The following ARB2A variants were observed in gnomAD, a reference collection of about 807,000 sequenced individuals.
The protein encoded by ARB2A is ARB2 cotranscriptional regulator A.
the ARB2A span, among the ~76,000 whole-genome samples, chr5:93,756,012 C>T: frequency 6.6e-6 from 1 of 152,182 alleles, no homozygotes; most frequent in African/African-American, 2.4e-5. Context: ...TCCGCCTGGA[C>T]ACAGACTCAG....
At chr5:94,070,743 C>T in the ARB2A span, among the ~76,000 whole-genome samples, 1 of 151,558 alleles carries the variant, frequency 6.6e-6, no homozygotes, top group Admixed American at 6.6e-5. Flanking sequence ...ACAATAAGAA[C>T]ACAAACAAAA....
chr5:94,105,515 A>G, the ARB2A span, among the ~76,000 whole-genome samples: 2 of 152,162 alleles, frequency 1.3e-5, no homozygotes, highest in African/African-American at 4.8e-5. Flanking sequence ...TTCCTTACTC[A>G]TGGATAGGAA....
the ARB2A span, among the ~76,000 whole-genome samples, chr5:93,624,244 G>A: frequency 6.6e-6 from 1 of 152,112 alleles, no homozygotes; most frequent in Non-Finnish European, 1.5e-5. Context: ...CAATGATGTA[G>A]AAATCACAGG....
the ARB2A span, among the ~76,000 whole-genome samples, chr5:93,833,215 C>G: frequency 6.6e-6 from 1 of 151,486 alleles, no homozygotes; most frequent in Non-Finnish European, 1.5e-5. Flanking sequence ...ACTATAAATA[C>G]AAGGCATGCT....
the ARB2A span, among the ~76,000 whole-genome samples, chr5:93,852,233 T>C: frequency 6.6e-6 from 1 of 152,212 alleles, no homozygotes; most frequent in Non-Finnish European, 1.5e-5. Flanking sequence ...CATGTGTTCT[T>C]TGGCTGCATG....
At chr5:93,618,575 A>G in the ARB2A span, 7 of 152,170 alleles carry the variant, frequency 4.6e-5, no homozygotes, top group Non-Finnish European at 1.0e-4. Context: ...CGAGGTGAAC[A>G]TTATTACATT....
At chr5:93,827,063 C>T in the ARB2A span, among the ~76,000 whole-genome samples, 1 of 152,010 alleles carries the variant, frequency 6.6e-6, no homozygotes, top group Non-Finnish European at 1.5e-5. Context: ...CATACAAGTG[C>T]ATGTGTCTTT....
the ARB2A span, among the ~76,000 whole-genome samples, chr5:93,976,914 G>A: frequency 1.3e-5 from 2 of 151,806 alleles, no homozygotes; most frequent in Non-Finnish European, 2.9e-5. Context: ...GAACTCTCAG[G>A]ACGGAAAATC....
At chr5:93,770,796 A>G in the ARB2A span, among the ~76,000 whole-genome samples, 1 of 152,206 alleles carries the variant, frequency 6.6e-6, no homozygotes, top group African/African-American at 2.4e-5. Context: ...GCTCAATGAA[A>G]TAAAAGAGGA....
the ARB2A span, among the ~76,000 whole-genome samples, chr5:93,958,452 T>C: frequency 6.6e-6 from 1 of 152,066 alleles, no homozygotes; most frequent in East Asian, 1.9e-4. Flanking sequence ...TGATAAATAT[T>C]TGATAGTTTG....
chr5:93,827,632 T>G, the ARB2A span, among the ~76,000 whole-genome samples: 3 of 151,980 alleles, frequency 2.0e-5, no homozygotes, highest in African/African-American at 2.4e-5. Context: ...TGGCTTTTGT[T>G]GCCATTGCTT....
the ARB2A span, among the ~76,000 whole-genome samples, chr5:94,014,858 G>C: frequency 6.7e-6 from 1 of 149,138 alleles, no homozygotes; most frequent in Non-Finnish European, 1.5e-5. Context: ...CAGGAGGGAA[G>C]AAAAATGAAA....
the ARB2A span, among the ~76,000 whole-genome samples, chr5:93,687,800 C>T: frequency 6.6e-6 from 1 of 151,840 alleles, no homozygotes; most frequent in Non-Finnish European, 1.5e-5. Context: ...TTTAGAATGG[C>T]CATTTTAAAA....
At chr5:93,676,379 A>G in the ARB2A span, among the ~76,000 whole-genome samples, 1 of 152,186 alleles carries the variant, frequency 6.6e-6, no homozygotes, top group Non-Finnish European at 1.5e-5. Flanking sequence ...TTGTTTACAA[A>G]CATATATTAG....
At chr5:93,909,735 G>A in the ARB2A span, among the ~76,000 whole-genome samples, 1 of 150,150 alleles carries the variant, frequency 6.7e-6, no homozygotes, top group African/African-American at 2.4e-5. Flanking sequence ...TTTTTTTGTT[G>A]AAAATATGAA....
At chr5:93,639,691 T>C in the ARB2A span, among the ~76,000 whole-genome samples, 1 of 152,134 alleles carries the variant, frequency 6.6e-6, no homozygotes, top group Non-Finnish European at 1.5e-5. Flanking sequence ...TGGGATAATA[T>C]AACAAAGTAT....
chr5:94,067,392 C>T, the ARB2A span, among the ~76,000 whole-genome samples: 1 of 152,050 alleles, frequency 6.6e-6, no homozygotes, highest in African/African-American at 2.4e-5. Context: ...GAAAAGAAGT[C>T]AAATTGTCCT....
chr5:93,745,328 C>T, the ARB2A span, among the ~76,000 whole-genome samples: 1 of 152,158 alleles, frequency 6.6e-6, no homozygotes, highest in Non-Finnish European at 1.5e-5. Flanking sequence ...CCTTAAACAG[C>T]TGGAGTTTTA....
At chr5:93,881,450 A>C in the ARB2A span, 7 of 1,562,518 alleles carry the variant, frequency 4.5e-6, no homozygotes, top group Non-Finnish European at 6.2e-6. Flanking sequence ...ATAGTAAAGG[A>C]AAGTAGTGAT....
Sources: gnomAD v4.1 joint callset for allele counts (sites outside exome capture counted in the v4.1 genomes callset) on GRCh38, gnomAD v4.1.1 for gene constraint, MANE v1.5 for transcripts, NCBI Gene and HGNC (gene_info 2026-07-23, HGNC 2026-07-21) for gene names.